SLC35F4: variants seen among roughly 807,000 people sequenced by gnomAD.
The protein encoded by SLC35F4 is chromosome 14 open reading frame 36.
In SLC35F4, 24 loss-of-function variants were observed where a neutral mutation model predicts 44.2. That is an observed-to-expected ratio of 0.54 (90% CI 0.39 to 0.76). The LOEUF (loss-of-function observed/expected upper bound fraction) is 0.76. Ranked by LOEUF, SLC35F4 falls within the 30% of genes least tolerant of loss-of-function variation. The pLI, the probability that SLC35F4 is intolerant of heterozygous loss-of-function variation, is 0.00. For synonymous variants in SLC35F4, 238 were observed against 223.6 expected (o/e 1.06, Z -0.57); for missense variants, 562 against 586.1 (o/e 0.96, Z 0.42).
chr14:57,769,712 G>T (rs1400188691), intron 1 of SLC35F4, among the ~76,000 whole-genome samples: 1 of 152,152 alleles, frequency 6.6e-6, no homozygotes, highest in Admixed American at 6.5e-5. Flanking sequence ...GGCCCCTATG[G>T]AAAGTATGGA....
At chr14:57,888,101 C>T (rs1427373649) in intron 1 of SLC35F4, among the ~76,000 whole-genome samples, 3 of 152,132 alleles carry the variant, frequency 2.0e-5, no homozygotes, top group Non-Finnish European at 4.4e-5. Context: ...ATTAACTCCA[C>T]TGTAGACAGT....
chr14:57,914,519 C>T (rs574850978), intron 1 of SLC35F4, among the ~76,000 whole-genome samples: 5 of 151,940 alleles, frequency 3.3e-5, no homozygotes, highest in Admixed American at 2.0e-4. Flanking sequence ...GCCGAGATCG[C>T]GCCACTGCAC....
At chr14:57,585,824 G>A (rs556545141) in intron 3 of SLC35F4, among the ~76,000 whole-genome samples, 61 of 152,212 alleles carry the variant, frequency 4.0e-4, no homozygotes, top group Non-Finnish European at 7.9e-4. Context: ...GGAAATAAGA[G>A]AGGACACAAA....
At chr14:57,663,472 A>G (rs2074205213) in intron 1 of SLC35F4, among the ~76,000 whole-genome samples, 1 of 152,160 alleles carries the variant, frequency 6.6e-6, no homozygotes, top group African/African-American at 2.4e-5. Context: ...ATTGTTTGGT[A>G]TTGTTACCAA....
At chr14:57,612,489 C>G (rs1782998201) in intron 1 of SLC35F4, among the ~76,000 whole-genome samples, 1 of 152,222 alleles carries the variant, frequency 6.6e-6, no homozygotes, top group South Asian at 2.1e-4. Flanking sequence ...TGACCATTTT[C>G]CCTCTTCTGT....
intron 1 of SLC35F4, among the ~76,000 whole-genome samples, chr14:57,704,764 C>T (rs1312005121): frequency 2.0e-5 from 3 of 152,170 alleles, no homozygotes; most frequent in African/African-American, 4.8e-5. Context: ...TGTGCATTTA[C>T]ACAGGAAGTC....
rs188939072 is a variant in SLC35F4 at position 57,857,840 on chromosome 14, G to T, written c.103+7883C>A. On this transcript the variant is annotated intron_variant, in intron 1 of 7. Coordinates refer to ENST00000556826, the MANE Select transcript of SLC35F4 (RefSeq NM_001306087.2). ...TAGGAGCTTTCTGCAGGGTGATGAAGGAGACAGAGAGGGAGCACTGGGGCC... is the reference window on the plus strand; with the variant it reads ...TAGGAGCTTTCTGCAGGGTGATGAATGAGACAGAGAGGGAGCACTGGGGCC... Among the ~76,000 whole-genome samples the T allele has an allele frequency of 6.4e-4, 98 of 152,122 alleles. 1 individual carries two copies. Among genetic ancestry groups the T allele is most frequent in the African/African-American group, 2.3e-3 (94 of 41,386 alleles).
At chr14:57,709,914 C>T (rs1045039138) in intron 1 of SLC35F4, among the ~76,000 whole-genome samples, 2 of 152,190 alleles carry the variant, frequency 1.3e-5, no homozygotes, top group Admixed American at 1.3e-4. Context: ...GGAGAATTTA[C>T]AGCCTGATTA....
intron 1 of SLC35F4, among the ~76,000 whole-genome samples, chr14:57,684,342 G>A (rs776647241): frequency 1.3e-5 from 2 of 152,194 alleles, no homozygotes; most frequent in African/African-American, 4.8e-5. Flanking sequence ...TTTTGGCACC[G>A]GGGACTGTTT....
chr14:57,880,569 A>G (rs1352384928), intron 1 of SLC35F4, among the ~76,000 whole-genome samples: 1 of 152,232 alleles, frequency 6.6e-6, no homozygotes, highest in Non-Finnish European at 1.5e-5. Flanking sequence ...TTTTAAATCT[A>G]GACATTGATG....
At chr14:57,882,145 T>C (rs1320665008) in intron 1 of SLC35F4, among the ~76,000 whole-genome samples, 2 of 152,152 alleles carry the variant, frequency 1.3e-5, no homozygotes, top group Non-Finnish European at 1.5e-5. Context: ...GAAGAGGACA[T>C]GCTAGCTCCG....
chr14:57,670,902 C>CGT (rs2074495258), intron 1 of SLC35F4, among the ~76,000 whole-genome samples: 2 of 107,350 alleles, frequency 1.9e-5, no homozygotes, highest in Admixed American at 2.3e-4. Flanking sequence ...CTCATTCATT[C>CGT]TTTTTTTTTT....
intron 1 of SLC35F4, among the ~76,000 whole-genome samples, chr14:57,614,845 AG>A (rs1411753029): frequency 1.3e-5 from 2 of 152,190 alleles, no homozygotes; most frequent in Non-Finnish European, 2.9e-5. Context: ...AGTGCATATG[AG>A]GGGTTTGTAA....
At chr14:57,739,608 G>A (rs760548814) in intron 1 of SLC35F4, among the ~76,000 whole-genome samples, 9 of 152,170 alleles carry the variant, frequency 5.9e-5, no homozygotes, top group Non-Finnish European at 1.0e-4. Context: ...TCAAACTGCC[G>A]TTTGTGGATT....
intron 1 of SLC35F4, among the ~76,000 whole-genome samples, chr14:57,699,230 G>A (rs894265976): frequency 2.0e-5 from 3 of 152,112 alleles, no homozygotes; most frequent in Non-Finnish European, 4.4e-5. Flanking sequence ...ATAGAGAAGT[G>A]CACTTCATAC....
In SLC35F4 at chr14:57,679,243, C is replaced by T. The variant is rs545408541; in HGVS notation, c.104-85119G>A. Among the ~76,000 whole-genome samples the T allele has an allele frequency of 5.1e-4, 78 of 152,046 alleles. 1 individual carries two copies. The highest frequency in any genetic ancestry group is 3.4e-3 in the Middle Eastern group (1 of 294). ...ACTCACTCAAAACCGCACAACTACA[C>T]GGAAACCGAACAACCTGCTCCTGAA... is the stretch of plus-strand genomic sequence containing the variant. On this transcript the variant is annotated intron_variant, in intron 1 of 7. Transcript: ENST00000556826.
intron 1 of SLC35F4, among the ~76,000 whole-genome samples, chr14:57,890,204 T>C (rs1470311526): frequency 6.6e-6 from 1 of 152,174 alleles, no homozygotes; most frequent in African/African-American, 2.4e-5. Context: ...CCAATACTGA[T>C]GGGCAAACAT....
intron 5 of SLC35F4, among the ~76,000 whole-genome samples, chr14:57,571,171 C>T (rs78074535): frequency 0.019 from 2,922 of 152,190 alleles, 30 homozygotes; most frequent in Non-Finnish European, 0.03. Flanking sequence ...TTTAATACAT[C>T]CAGAAAGTTG....
In SLC35F4 at chr14:57,953,613, C is replaced by A. The variant is rs76034696; in HGVS notation, n.282+28300G>T. Among the ~76,000 whole-genome samples the A allele has an allele frequency of 1.4e-3, 220 of 151,992 alleles. 1 individual carries two copies. Among genetic ancestry groups the A allele is most frequent in the Non-Finnish European group, 2.3e-3 (154 of 67,922 alleles). ...ATGAAGCAAATGGAAACCAAAAAAA[C>A]CAGGGATTGCAATCCTAGTCTCTGA... On this transcript the variant is annotated intron_variant and non_coding_transcript_variant, in intron 1 of 1. Transcript: ENST00000556568.
Sources: allele counts gnomAD v4.1 joint callset (sites outside exome capture counted in the v4.1 genomes callset), GRCh38; gene constraint gnomAD v4.1.1; transcripts MANE v1.5; gene names NCBI Gene and HGNC (gene_info 2026-07-23, HGNC 2026-07-21).